Variants in MTTP observed in about 807,000 individuals in gnomAD.
MTTP encodes the protein microsomal triglyceride transfer protein large subunit.
Under a neutral mutation model 90.6 loss-of-function variants are expected in MTTP, and 49 were observed. The observed-to-expected ratio is 0.54, with a 90% confidence interval of 0.43 to 0.69. MTTP has a LOEUF of 0.69. Among genes scored for constraint, MTTP ranks in the 30% least tolerant of loss-of-function variants. The pLI is 0.00. For synonymous variants in MTTP, 347 were observed against 384.2 expected, an observed-to-expected ratio of 0.90 and a Z score of 1.13; for missense variants, 945 against 1,067.5, an observed-to-expected ratio of 0.89 and a Z score of 1.60.
Position 99,622,832 on chromosome 4 carries a change from C to G in MTTP, c.2669C>G (p.Ser890Cys). 6.2e-7 allele frequency: 1 copy of G among 1,614,096 alleles called. No homozygotes were observed. Among genetic ancestry groups the G allele is most frequent in the Non-Finnish European group, 8.5e-7 (1 of 1,179,972 alleles). ...VVFAPQPDST[S>C]SGWF Reference sequence around the variant, plus strand: ...TTTGCCCCTCAGCCGGATAGTACTTCCAGCGGATGGTTTTGAAACTGACCT... The same window carrying G: ...TTTGCCCCTCAGCCGGATAGTACTTGCAGCGGATGGTTTTGAAACTGACCT... Residue 890 changes from serine (S) to cysteine (C), a missense_variant, in exon 18 of 18, where the codon TCC becomes TGC. By Grantham distance (112) the Ser-to-Cys change is moderately radical (BLOSUM62 -1). Coordinates refer to ENST00000265517, the MANE Select transcript of MTTP (RefSeq NM_001386140.1).
intron 8 of MTTP, among the ~76,000 whole-genome samples, chr4:99,599,646 A>G (rs888387760): frequency 6.6e-6 from 1 of 152,210 alleles, no homozygotes; most frequent in African/African-American, 2.4e-5. Flanking sequence ...TGAGGTAAAT[A>G]CTACTTTGGC....
chr4:99,569,713 C>T (rs1049328708), intron 1 of MTTP, among the ~76,000 whole-genome samples: 13 of 151,882 alleles, frequency 8.6e-5, no homozygotes, highest in African/African-American at 3.1e-4. Context: ...TTGTTCTAAT[C>T]CTTTTTCTGT....
chr4:99,570,795 T>C (rs77602772), upstream of MTTP: 1,302 of 455,554 alleles, frequency 2.9e-3, 22 homozygotes, highest in African/African-American at 0.025. Flanking sequence ...CAGCTTACTC[T>C]TGCTGGATTT....
In MTTP at chr4:99,603,838, G is replaced by T. The variant is rs192683469; in HGVS notation, c.1344+2124G>T. Among the ~76,000 whole-genome samples, 202 of 152,182 alleles carry T rather than the reference G, an allele frequency of 1.3e-3. 1 individual carries two copies. The highest frequency in any genetic ancestry group is 4.7e-3 in the African/African-American group (196 of 41,540). ...GGCTGAAACCTTCAAAGAGACTGGG[G>T]TTACCTAGGAAAGTCATGTAGCATA... is the stretch of plus-strand genomic sequence containing the variant. On this transcript the variant is annotated intron_variant, in intron 10 of 17. Coordinates refer to ENST00000265517, the MANE Select transcript of MTTP (RefSeq NM_001386140.1).
rs1349083496 is a variant in MTTP at position 99,589,621 on chromosome 4, T to G, written c.394-22T>G. 3 of 1,400,406 alleles carry G rather than the reference T, an allele frequency of 2.1e-6. No homozygotes were observed. In the East Asian group the frequency reaches 6.9e-5, roughly 32 times the overall value. 86.7% of individuals were successfully genotyped at this position (1,400,406 alleles called of 1,614,324 possible). A position where few individuals can be genotyped will look rare whatever the true frequency, so the allele number is the denominator to read the frequency against. Reference sequence around the variant, plus strand: ...TGATGCATTTTTGCTTCATTTGTGTTCTGTTCCCCTCTCCCCACCAGGTCA... The same window carrying G: ...TGATGCATTTTTGCTTCATTTGTGTGCTGTTCCCCTCTCCCCACCAGGTCA... On this transcript the variant is annotated intron_variant, in intron 3 of 17. Coordinates refer to ENST00000265517, the MANE Select transcript of MTTP (RefSeq NM_001386140.1).
chr4:99,576,151 A>AT (rs1489519420), intron 1 of MTTP, among the ~76,000 whole-genome samples: 3 of 152,150 alleles, frequency 2.0e-5, no homozygotes, highest in Non-Finnish European at 4.4e-5. Flanking sequence ...GACAAAAGAA[A>AT]TTTTTTAATG....
intron 10 of MTTP, among the ~76,000 whole-genome samples, chr4:99,604,844 T>G (rs1347432304): frequency 2.0e-5 from 3 of 152,160 alleles, no homozygotes; most frequent in Non-Finnish European, 4.4e-5. Flanking sequence ...TTCTAAAACA[T>G]ACACAATATA....
chr4:99,612,339 T>C (rs75487972), intron 14 of MTTP, among the ~76,000 whole-genome samples: 15,831 of 151,642 alleles, frequency 0.1, 999 homozygotes, highest in Middle Eastern at 0.2. Context: ...GAAATAAGTG[T>C]GTTAGCCCCC....
rs748108500 is a variant in MTTP at position 99,591,727 on chromosome 4, C to T, written c.695C>T (p.Ala232Val). The T allele has an allele frequency of 1.3e-5, 21 of 1,613,124 alleles. No individual in the cohort carries two copies. The East Asian group carries it at 4.7e-4, about 36-fold the overall frequency. Residue 232 changes from alanine (A) to valine (V), a missense_variant, in exon 6 of 18, where the codon GCT (alanine) becomes GTT (valine). Coordinates refer to ENST00000265517, the MANE Select transcript of MTTP (RefSeq NM_001386140.1). ...GACAGCTTTGTTATAGCTGTGCTTG[C>T]TGAAGAAACACACAATTTTGGACTG... ...IEDSFVIAVL[A>V]EETHNFGLNF...
upstream of MTTP, among the ~76,000 whole-genome samples, chr4:99,571,303 G>T (rs942365068): frequency 2.0e-5 from 3 of 151,682 alleles, no homozygotes; most frequent in Non-Finnish European, 4.4e-5. Context: ...ATTTATACTT[G>T]GATATTATTA....
chr4:99,612,982 G>T lies in MTTP; in HGVS notation c.2059G>T (p.Asp687Tyr). Residue 687 changes from aspartate (D) to tyrosine (Y), a missense_variant, in exon 15 of 18, where the codon GAC (aspartate) becomes TAC (tyrosine). Asp to Tyr is a radical substitution (Grantham distance 160). Coordinates refer to ENST00000265517, the MANE Select transcript of MTTP (RefSeq NM_001386140.1). ...ATPDEGEENL[D>Y]SYAGMSAILF... ...CCCTGACGAGGGGGAGGAGAACCTT[G>T]ACTCCTATGCTGGTATGTCAGCCAT... The T allele has an allele frequency of 6.2e-7, 1 of 1,614,032 alleles. No homozygotes were observed. Among genetic ancestry groups the T allele is most frequent in the Non-Finnish European group, 8.5e-7 (1 of 1,179,962 alleles).
chr4:99,589,792 T>A (rs1306410639), intron 4 of MTTP, 42 bp downstream of exon 4: 1 of 1,255,840 alleles, frequency 8.0e-7, no homozygotes, highest in Non-Finnish European at 1.2e-6. Context: ...CTCAATAAAA[T>A]TTGTAAGGAT....
upstream of MTTP, among the ~76,000 whole-genome samples, chr4:99,574,371 C>T (rs79340181): frequency 3.9e-5 from 6 of 152,116 alleles, no homozygotes; most frequent in Admixed American, 3.9e-4. Context: ...TCCTAAAATT[C>T]AGTGTGAATT....
intron 1 of MTTP, among the ~76,000 whole-genome samples, chr4:99,577,025 T>C (rs920123979): frequency 6.6e-5 from 10 of 152,176 alleles, no homozygotes; most frequent in Admixed American, 4.6e-4. Context: ...TCATGGTACG[T>C]TGCTTATGCT....
rs1434454323 is a variant in MTTP, at chr4:99,591,222, C to CCTTT, written c.502-8_502-5dup. 4.5e-6 allele frequency: 7 copies of CCTTT among 1,559,902 alleles called. No homozygotes were observed. The highest frequency in any genetic ancestry group is 6.2e-6 in the Non-Finnish European group (7 of 1,130,992). Reference sequence around the variant, plus strand: ...AGGAATCCCAAGCATTATGCCCTTGCCTTTCTTTTTAGGTAGATATCTCTG... The same window carrying CCTTT: ...AGGAATCCCAAGCATTATGCCCTTGCCTTTCTTTCTTTTTAGGTAGATATCTCTG... On this transcript the variant is annotated splice_polypyrimidine_tract_variant and intron_variant, in intron 4 of 17. Transcript: ENST00000265517.
chr4:99,600,218 A>T (rs1424658273), intron 8 of MTTP, among the ~76,000 whole-genome samples: 1 of 152,194 alleles, frequency 6.6e-6, no homozygotes, highest in Non-Finnish European at 1.5e-5. Flanking sequence ...GCTTTTATGT[A>T]TTACTCATAT....
chr4:99,585,976 G>A (rs1176096164), intron 3 of MTTP, among the ~76,000 whole-genome samples: 1 of 152,090 alleles, frequency 6.6e-6, no homozygotes, highest in East Asian at 1.9e-4. Flanking sequence ...ATTATGGACA[G>A]GCAGAGTAAG....
chr4:99,614,115 G>A (rs1726031641), intron 15 of MTTP, among the ~76,000 whole-genome samples: 3 of 152,148 alleles, frequency 2.0e-5, no homozygotes. Flanking sequence ...GACTTGTAAA[G>A]TTTACTTTAT....
chr4:99,616,828 C>G (rs1726109879), intron 15 of MTTP, among the ~76,000 whole-genome samples: 1 of 152,168 alleles, frequency 6.6e-6, no homozygotes, highest in Admixed American at 6.5e-5. Flanking sequence ...TGGAAATGCT[C>G]TCTCCCCACA....
Sources: allele counts gnomAD v4.1 joint callset (sites outside exome capture counted in the v4.1 genomes callset), GRCh38; gene constraint gnomAD v4.1.1; transcripts MANE v1.5; gene names NCBI Gene and HGNC (gene_info 2026-07-23, HGNC 2026-07-21).